The following DPP6 variants were observed in gnomAD, a reference collection of about 807,000 sequenced individuals.
DPP6 encodes dipeptidyl peptidase like 6, also known as A-type potassium channel modulatory protein DPP6.
Under a neutral mutation model 122.6 loss-of-function variants are expected in DPP6, and 69 were observed. The ratio of observed to expected loss-of-function variants is 0.56; its 90% CI spans 0.46 to 0.69. The LOEUF (loss-of-function observed/expected upper bound fraction) is 0.69. Among genes scored for constraint, DPP6 ranks in the 30% least tolerant of loss-of-function variants. The pLI is 0.00. For missense variants in DPP6, 928 were observed against 1,116.9 expected, an observed-to-expected ratio of 0.83 and a Z score of 2.41; for synonymous variants, 418 against 433.1, an observed-to-expected ratio of 0.97 and a Z score of 0.43.
chr7:154,143,863 C>T (rs986938728), intron 1 of DPP6, among the ~76,000 whole-genome samples: 5 of 151,728 alleles, frequency 3.3e-5, no homozygotes, highest in Non-Finnish European at 5.9e-5. Context: ...ACCTTTGTGC[C>T]GTTTTTTGTA....
chr7:154,102,347 G>A (rs1805801253), intron 1 of DPP6, among the ~76,000 whole-genome samples: 2 of 151,962 alleles, frequency 1.3e-5, no homozygotes, highest in South Asian at 4.1e-4. Context: ...ACACCAATAC[G>A]CCCAGCTAAT....
intron 6 of DPP6, among the ~76,000 whole-genome samples, chr7:154,654,881 CA>C (rs912858345): frequency 2.6e-5 from 4 of 152,076 alleles, no homozygotes; most frequent in African/African-American, 9.6e-5. Flanking sequence ...TAGATATACA[CA>C]AAAAATGAAT....
chr7:153,887,838 C>G, intron 1 of DPP6: 2 of 1,302,790 alleles, frequency 1.5e-6, no homozygotes, highest in Non-Finnish European at 2.1e-6. Flanking sequence ...CCTGGAAGGA[C>G]AGCGACCCCA....
intron 16 of DPP6, among the ~76,000 whole-genome samples, chr7:154,809,549 C>T (rs775866131): frequency 1.3e-5 from 2 of 152,186 alleles, no homozygotes; most frequent in Non-Finnish European, 2.9e-5. Context: ...AAATACATGA[C>T]CAGATAAGAA....
At chr7:154,873,335 G>A (rs554550125) in intron 19 of DPP6, among the ~76,000 whole-genome samples, 2 of 152,258 alleles carry the variant, frequency 1.3e-5, no homozygotes, top group Admixed American at 6.5e-5. Context: ...GACACCGCAC[G>A]GGGAGGCAGT....
chr7:153,890,534 A>G (rs1300992568), intron 1 of DPP6, among the ~76,000 whole-genome samples: 1 of 152,214 alleles, frequency 6.6e-6, no homozygotes, highest in Admixed American at 6.5e-5. Context: ...TCTTTAAAAA[A>G]TGTTTTATTC....
the DPP6 span, among the ~76,000 whole-genome samples, chr7:153,862,809 C>T: frequency 8.6e-5 from 13 of 151,770 alleles, no homozygotes; most frequent in Admixed American, 1.3e-4. Flanking sequence ...AAAAATTATG[C>T]GTTAAGTAAT....
At position 154,062,917 on chromosome 7, in the gene DPP6, G is replaced by T. The variant is rs972144086; in HGVS notation, c.243+9854G>T. ...TAAGATCCTTAGGACCCACCTGGAG[G>T]ACTGTGGGTGTTAGTTGTCCAGGTA... On this transcript the variant is annotated intron_variant, in intron 1 of 25. Transcript: ENST00000377770. 8.1e-5 allele frequency among the ~76,000 whole-genome samples: 11 copies of T among 135,020 alleles called. 2 individuals are homozygous for T. The highest frequency in any genetic ancestry group is 2.9e-4 in the African/African-American group (11 of 37,370). The allele number at this position is 135,020 out of a possible 152,430, so 88.6% of individuals were successfully genotyped here. A position where few individuals can be genotyped will look rare whatever the true frequency, so the allele number is the denominator to read the frequency against.
At chr7:153,772,053 C>T in the DPP6 span, among the ~76,000 whole-genome samples, 2 of 152,044 alleles carry the variant, frequency 1.3e-5, no homozygotes, top group African/African-American at 2.4e-5. Context: ...CCAGTTCCTC[C>T]TTCACAGCAT....
At chr7:153,809,523 G>A in the DPP6 span, among the ~76,000 whole-genome samples, 46 of 152,302 alleles carry the variant, frequency 3.0e-4, no homozygotes, top group East Asian at 5.4e-3. Flanking sequence ...TAACACTTCC[G>A]TAATTCCTCC....
intron 8 of DPP6, among the ~76,000 whole-genome samples, chr7:154,728,118 G>T (rs897920879): frequency 6.6e-6 from 1 of 152,222 alleles, no homozygotes; most frequent in Non-Finnish European, 1.5e-5. Context: ...CACTCACCTG[G>T]GACAGGTGTG....
At chr7:154,258,498 G>A (rs1802801357) in intron 1 of DPP6, among the ~76,000 whole-genome samples, 1 of 152,150 alleles carries the variant, frequency 6.6e-6, no homozygotes, top group African/African-American at 2.4e-5. Context: ...AGGAGTGTGT[G>A]CATTTTACCT....
chr7:154,297,074 T>TG lies in DPP6; in HGVS notation c.244-149140_244-149139insG, dbSNP rs1487821782. ...GTGAAATGTATTCTGTTTTTTTTTTTTTGTTTTGTTTTTCTATTTGGAGGG... is the reference window on the plus strand; with the variant it reads ...GTGAAATGTATTCTGTTTTTTTTTTTGTTGTTTTGTTTTTCTATTTGGAGGG... On this transcript the variant is annotated intron_variant, in intron 1 of 25. Coordinates refer to ENST00000377770, the MANE Select transcript of DPP6 (RefSeq NM_130797.4). 4.3e-5 allele frequency among the ~76,000 whole-genome samples: 6 copies of TG among 139,986 alleles called. No individual in the cohort carries two copies. The East Asian group carries it at 9.8e-4, about 23-fold the overall frequency. The allele number at this position is 139,986 out of a possible 152,430, so 91.8% of individuals were successfully genotyped here. A position where few individuals can be genotyped will look rare whatever the true frequency, so the allele number is the denominator to read the frequency against.
In DPP6 at chr7:154,763,351, GGAAGGA is replaced by G. The variant is rs778149232; in HGVS notation, c.884-6063_884-6058del. On this transcript the variant is annotated intron_variant, in intron 8 of 25. Transcript: ENST00000377770. The stretch of plus-strand genomic sequence containing the variant: ...CATCTCAAAAAAAGGAAGGAAGGAA[GGAAGGA>G]GAGAGAGAGAGAGAGAGAGAAAGAA... Among the ~76,000 whole-genome samples the G allele has an allele frequency of 3.3e-3, 350 of 107,682 alleles. 1 individual carries two copies. The highest frequency in any genetic ancestry group is 5.1e-3 in the Non-Finnish European group (252 of 49,320). 70.6% of individuals were successfully genotyped at this position (107,682 alleles called of 152,430 possible). A position where few individuals can be genotyped will look rare whatever the true frequency, so the allele number is the denominator to read the frequency against.
the DPP6 span, among the ~76,000 whole-genome samples, chr7:153,870,650 TGTCAAA>T: frequency 6.6e-6 from 1 of 152,210 alleles, no homozygotes; most frequent in African/African-American, 2.4e-5. Context: ...TCTCTCAACT[TGTCAAA>T]GTCATTCTCC....
chr7:154,227,492 C>T (rs1800682105), intron 1 of DPP6, among the ~76,000 whole-genome samples: 1 of 152,114 alleles, frequency 6.6e-6, no homozygotes, highest in South Asian at 2.1e-4. Context: ...TGTTGTATAA[C>T]ATTGTGAATA....
In DPP6 at chr7:154,755,796, T is replaced by C. The variant is rs1843633237; in HGVS notation, c.884-13621T>C. 6.6e-6 allele frequency among the ~76,000 whole-genome samples: 1 copy of C among 152,246 alleles called. No homozygotes were observed. On this transcript the variant is annotated intron_variant, in intron 8 of 25. Coordinates refer to ENST00000377770, the MANE Select transcript of DPP6 (RefSeq NM_130797.4). This position sits in a 1 kb window ranked among gnomAD's most constrained non-coding sequence, Gnocchi z 4.7. Reference sequence around the variant, plus strand: ...TCAGGATGTTGCCGAGCCCTTGGGTTGGAAGAGGTCGGAGTGGGGCGCGTC... The same window carrying C: ...TCAGGATGTTGCCGAGCCCTTGGGTCGGAAGAGGTCGGAGTGGGGCGCGTC...
rs1800769963 is a variant in DPP6, at chr7:154,833,231, C to G, written c.1667-20549C>G. 6.6e-6 allele frequency among the ~76,000 whole-genome samples: 1 copy of G among 152,098 alleles called. No homozygotes were observed. The highest frequency in any genetic ancestry group is 1.5e-5 in the Non-Finnish European group (1 of 68,024). On this transcript the variant is annotated intron_variant, in intron 16 of 25. Coordinates refer to ENST00000377770, the MANE Select transcript of DPP6 (RefSeq NM_130797.4). The surrounding 1 kb of genome is among the most constrained non-coding windows in gnomAD (Gnocchi z 4.3). ...AGGGTCCCGGGGTCCCAGTGCCCTGCCAGCATATTGTCGTAGAGACAGGCA... is the reference window on the plus strand; with the variant it reads ...AGGGTCCCGGGGTCCCAGTGCCCTGGCAGCATATTGTCGTAGAGACAGGCA...
At chr7:154,417,151 C>T (rs1212439374) in intron 1 of DPP6, among the ~76,000 whole-genome samples, 3 of 152,188 alleles carry the variant, frequency 2.0e-5, no homozygotes, top group Non-Finnish European at 2.9e-5. Context: ...GGTGTCTGGG[C>T]TACTTGACTT....
Sources: gnomAD v4.1 joint callset for allele counts (sites outside exome capture counted in the v4.1 genomes callset) on GRCh38, gnomAD v4.1.1 for gene constraint, Gnocchi (gnomAD v3.1) non-coding constraint, MANE v1.5 for transcripts, NCBI Gene and HGNC (gene_info 2026-07-23, HGNC 2026-07-21) for gene names.